EYA2: variants seen among roughly 807,000 people sequenced by gnomAD.
The protein encoded by EYA2 is protein phosphatase EYA2.
In EYA2, 31 loss-of-function variants were observed where a neutral mutation model predicts 69.2. That is an observed-to-expected ratio of 0.45 (90% CI 0.34 to 0.60). The LOEUF is 0.60. Ranked by LOEUF, EYA2 falls within the 20% of genes least tolerant of loss-of-function variation. The probability of loss-of-function intolerance (pLI) is 0.02; values close to 1 mark genes in which losing one functional copy is unlikely to be tolerated. For synonymous variants in EYA2, 257 were observed against 279.4 expected (o/e 0.92, Z 0.80); for missense variants, 622 against 701.2 (o/e 0.89, Z 1.28).
chr20:46,989,327 G>T (rs565194952), intron 1 of EYA2, among the ~76,000 whole-genome samples: 1 of 152,010 alleles, frequency 6.6e-6, no homozygotes, highest in Non-Finnish European at 1.5e-5. Context: ...GTGCAGTGGC[G>T]CAGTCTCGAC....
At chr20:47,128,249 G>A (rs1350968645) in intron 9 of EYA2, among the ~76,000 whole-genome samples, 1 of 152,134 alleles carries the variant, frequency 6.6e-6, no homozygotes, top group Non-Finnish European at 1.5e-5. Context: ...AGTTAGCTTT[G>A]CCTTTTCATA....
chr20:47,133,642 G>T (rs2033394249), intron 9 of EYA2, among the ~76,000 whole-genome samples: 1 of 152,190 alleles, frequency 6.6e-6, no homozygotes, highest in African/African-American at 2.4e-5. Context: ...AAAGGACACA[G>T]ATTAAAATCT....
At chr20:47,170,974 T>A (rs1490687122) in intron 11 of EYA2, among the ~76,000 whole-genome samples, 1 of 152,240 alleles carries the variant, frequency 6.6e-6, no homozygotes, top group Admixed American at 6.5e-5. Flanking sequence ...AGCCGGCAGA[T>A]GCCTGCTTCA....
intron 10 of EYA2, chr20:47,161,452 C>A: frequency 2.3e-6 from 1 of 443,554 alleles, no homozygotes; most frequent in South Asian, 1.8e-5. Flanking sequence ...TCAATGATCT[C>A]AAACTCTTTG....
At chr20:46,918,545 G>A (rs888171887) in intron 1 of EYA2, among the ~76,000 whole-genome samples, 4 of 152,054 alleles carry the variant, frequency 2.6e-5, no homozygotes, top group Non-Finnish European at 5.9e-5. Flanking sequence ...GCACTCAGGC[G>A]ATCCATCCAC....
In EYA2 at chr20:47,118,185, G is replaced by T. The variant is rs6018288; in HGVS notation, c.888+21017G>T. 3.6e-3 allele frequency among the ~76,000 whole-genome samples: 553 copies of T among 152,362 alleles called. 4 individuals are homozygous for T. Among genetic ancestry groups the T allele is most frequent in the African/African-American group, 0.013 (521 of 41,574 alleles). On this transcript the variant is annotated intron_variant, in intron 9 of 15. Transcript: ENST00000327619. ...TTGAAAAGGATTTTCTGAGGAAGTC[G>T]GAGATTTCTTTCCCCCACTGGGGGT...
chr20:46,921,130 G>C (rs1324237458), intron 1 of EYA2, among the ~76,000 whole-genome samples: 1 of 152,200 alleles, frequency 6.6e-6, no homozygotes, highest in African/African-American at 2.4e-5. Flanking sequence ...ACCTCCGCTG[G>C]CTCTTAGTAG....
intron 1 of EYA2, among the ~76,000 whole-genome samples, chr20:46,944,440 G>A (rs890296078): frequency 2.6e-5 from 4 of 152,160 alleles, no homozygotes; most frequent in Non-Finnish European, 5.9e-5. Flanking sequence ...GTTCGGATGA[G>A]CAGTCAGTGA....
intron 10 of EYA2, among the ~76,000 whole-genome samples, chr20:47,153,977 A>T (rs2033872517): frequency 6.6e-6 from 1 of 152,022 alleles, no homozygotes; most frequent in Non-Finnish European, 1.5e-5. Flanking sequence ...GCTGGCTTGT[A>T]TGTTTCACTT....
intron 5 of EYA2, among the ~76,000 whole-genome samples, chr20:47,065,233 A>G (rs552814520): frequency 3.9e-5 from 6 of 152,324 alleles, no homozygotes; most frequent in Middle Eastern, 3.4e-3. Context: ...CAGCCAAACT[A>G]TATCAGGTAC....
At chr20:47,011,845 A>C (rs1375543509) in intron 4 of EYA2, among the ~76,000 whole-genome samples, 2 of 152,152 alleles carry the variant, frequency 1.3e-5, no homozygotes, top group East Asian at 3.9e-4. Flanking sequence ...GAGTCCAAAA[A>C]ATTTAATCAT....
At chr20:47,166,636 A>C (rs969146101) in intron 10 of EYA2, among the ~76,000 whole-genome samples, 1 of 151,904 alleles carries the variant, frequency 6.6e-6, no homozygotes, top group Admixed American at 6.6e-5. Flanking sequence ...CCTTGCAACT[A>C]AACTGTGGGA....
chr20:47,090,150 G>A (rs192123642), intron 8 of EYA2, among the ~76,000 whole-genome samples: 10 of 151,824 alleles, frequency 6.6e-5, no homozygotes, highest in East Asian at 5.8e-4. Context: ...TAGAAGCTAG[G>A]CATCAGTGTT....
chr20:46,956,405 T>A (rs1979128887), intron 1 of EYA2, among the ~76,000 whole-genome samples: 1 of 152,154 alleles, frequency 6.6e-6, no homozygotes, highest in Non-Finnish European at 1.5e-5. Flanking sequence ...TCACAATGGA[T>A]CTCTCACCTA....
At chr20:46,965,730 A>G (rs920559187) in intron 1 of EYA2, among the ~76,000 whole-genome samples, 1 of 152,242 alleles carries the variant, frequency 6.6e-6, no homozygotes, top group East Asian at 1.9e-4. Context: ...GGGTTGGCGC[A>G]GCCTTGCTTG....
intron 4 of EYA2, among the ~76,000 whole-genome samples, chr20:47,012,295 C>T (rs1210069418): frequency 6.6e-6 from 1 of 152,176 alleles, no homozygotes; most frequent in Non-Finnish European, 1.5e-5. Context: ...GAGATGCCTG[C>T]GGAGTAGCAG....
intron 4 of EYA2, among the ~76,000 whole-genome samples, chr20:47,009,345 T>C (rs919154366): frequency 1.3e-5 from 2 of 152,252 alleles, no homozygotes; most frequent in African/African-American, 4.8e-5. Flanking sequence ...GGAAACTTTT[T>C]ACATTGCTCC....
chr20:46,914,283 C>T (rs1984791832), intron 1 of EYA2, among the ~76,000 whole-genome samples: 1 of 152,188 alleles, frequency 6.6e-6, no homozygotes, highest in Non-Finnish European at 1.5e-5. Context: ...GAGTCAGTGG[C>T]ATAAAGGCTT....
chr20:47,055,174 T>C (rs1307977340), intron 5 of EYA2, among the ~76,000 whole-genome samples: 1 of 152,222 alleles, frequency 6.6e-6, no homozygotes, highest in Non-Finnish European at 1.5e-5. Context: ...CTCAGTCACG[T>C]GATGCATCCC....
Sources: allele counts gnomAD v4.1 joint callset (sites outside exome capture counted in the v4.1 genomes callset), GRCh38; gene constraint gnomAD v4.1.1; transcripts MANE v1.5; gene names NCBI Gene and HGNC (gene_info 2026-07-23, HGNC 2026-07-21).